The following NKTR variants were observed in gnomAD, a reference collection of about 807,000 sequenced individuals.
The protein encoded by NKTR is NK-tumor recognition protein.
Under a neutral mutation model 156.3 loss-of-function variants are expected in NKTR, and 67 were observed. The observed-to-expected ratio is 0.43, with a 90% CI of 0.35 to 0.53. The LOEUF (loss-of-function observed/expected upper bound fraction) is 0.53, where lower values mean the gene tolerates loss of function less well. Among genes scored for constraint, NKTR ranks in the 20% least tolerant of loss-of-function variants. NKTR has a pLI of 0.01. For synonymous variants in NKTR, 640 were observed against 596.6 expected, an observed-to-expected ratio of 1.07 and a Z score of -1.06; for missense variants, 1,604 against 1,730.9, an observed-to-expected ratio of 0.93 and a Z score of 1.30.
At chr3:42,630,038 C>T in intron 6 of NKTR, 1 of 985,532 alleles carries the variant, frequency 1.0e-6, no homozygotes, top group Non-Finnish European at 1.2e-6. Context: ...CTCCTGAGAC[C>T]TACCTCTGCC....
chr3:42,619,208 T>C (rs1707688527), intron 4 of NKTR, 81 bp downstream of exon 4: 13 of 1,558,050 alleles, frequency 8.3e-6, no homozygotes, highest in South Asian at 2.4e-5. Context: ...TTCTAAATAT[T>C]GTGTCAGTTA....
chr3:42,611,889 A>C (rs1225490612), intron 2 of NKTR, among the ~76,000 whole-genome samples: 1 of 152,110 alleles, frequency 6.6e-6, no homozygotes. Context: ...GCCTTCCTCC[A>C]ACTGAAATTA....
At chr3:42,615,945 C>T (rs376671932) in intron 2 of NKTR, among the ~76,000 whole-genome samples, 1 of 152,034 alleles carries the variant, frequency 6.6e-6, no homozygotes, top group South Asian at 2.1e-4. Flanking sequence ...GCTTGCTTTC[C>T]GTCTTTTTCT....
rs1377402902 is a variant in NKTR at position 42,643,802 on chromosome 3, C to T, written c.4200-100C>T. The T allele has an allele frequency of 1.5e-5, 12 of 776,508 alleles. No homozygotes were observed. In the Admixed American group the frequency reaches 2.6e-4, roughly 17 times the overall value. 48.1% of individuals were successfully genotyped at this position (776,508 alleles called of 1,614,324 possible). A position where few individuals can be genotyped will look rare whatever the true frequency, so the allele number is the denominator to read the frequency against. On this transcript the variant is annotated intron_variant, in intron 15 of 16. Transcript: ENST00000232978. ...TATCCTCATGCTGTCACCTAGTGCC[C>T]ATGTTCTAAGCTAGAACACTCCTGA...
chr3:42,628,561 CT>C, intron 6 of NKTR: 1 of 985,408 alleles, frequency 1.0e-6, no homozygotes, highest in South Asian at 4.7e-5. Flanking sequence ...AATTTGCAGG[CT>C]TTCCCCAATA....
At chr3:42,636,106 T>C (rs1202411201) in intron 12 of NKTR, among the ~76,000 whole-genome samples, 3 of 152,132 alleles carry the variant, frequency 2.0e-5, no homozygotes. Context: ...AATATTTATT[T>C]TAGGAAGGGG....
intron 15 of NKTR, 125 bp from the exon 16 acceptor site, chr3:42,643,777 T>A (rs1040559344): frequency 1.0e-5 from 7 of 699,554 alleles, no homozygotes; most frequent in Non-Finnish European, 1.5e-5. Flanking sequence ...TTTGGAAATA[T>A]ATCCTCATGC....
intron 4 of NKTR, 87 bp from the exon 5 acceptor site, chr3:42,619,577 T>A: frequency 6.3e-7 from 1 of 1,586,500 alleles, no homozygotes; most frequent in Non-Finnish European, 8.6e-7. Context: ...CAAGGTTTCC[T>A]TCAGCGAATT....
At chr3:42,601,829 A>G (rs1283696390) in intron 2 of NKTR, 2 of 152,218 alleles carry the variant, frequency 1.3e-5, no homozygotes, top group African/African-American at 2.4e-5. Context: ...CTTGTTCTGC[A>G]TATTCTTATG....
intron 2 of NKTR, among the ~76,000 whole-genome samples, chr3:42,610,468 A>G (rs1706676776): frequency 6.6e-6 from 1 of 152,200 alleles, no homozygotes. Context: ...TGTGTGTCAT[A>G]TAAAGGAATG....
chr3:42,633,265 C>CG, intron 9 of NKTR: 1 of 738,422 alleles, frequency 1.4e-6, no homozygotes, highest in Non-Finnish European at 1.8e-6. Flanking sequence ...TGGTCTCTGA[C>CG]TCCTGTCCTC....
chr3:42,620,691 G>A, intron 5 of NKTR: 1 of 984,486 alleles, frequency 1.0e-6, no homozygotes, highest in Non-Finnish European at 1.2e-6. Flanking sequence ...ATAACTCTAA[G>A]TGATCTTTAT....
intron 14 of NKTR, 127 bp downstream of exon 14, chr3:42,642,723 C>A: frequency 1.5e-6 from 1 of 684,202 alleles, no homozygotes; most frequent in South Asian, 1.7e-5. Flanking sequence ...CCTATTTTCT[C>A]ATGTAGTTTT....
In NKTR at chr3:42,647,411, T is replaced by C. The variant is rs2125832085; in HGVS notation, c.*1436T>C. The stretch of plus-strand genomic sequence containing the variant: ...AGAAATTCATATTGGTTGCCTGATG[T>C]AGAGCTCAGCACCACCCTACCACAG... On this transcript the variant is annotated 3_prime_UTR_variant, in exon 17 of 17. Coordinates refer to ENST00000232978, the MANE Select transcript of NKTR (RefSeq NM_005385.4). 1 of 152,112 alleles carries C rather than the reference T, an allele frequency of 6.6e-6. No homozygotes were observed. The highest frequency in any genetic ancestry group is 2.1e-4 in the South Asian group (1 of 4,820). The allele number at this position is 152,112 out of a possible 1,614,324, so 9.4% of individuals were successfully genotyped here. A position where few individuals can be genotyped will look rare whatever the true frequency, so the allele number is the denominator to read the frequency against.
rs200728338 is a variant in NKTR at position 42,639,331 on chromosome 3, G to C, written c.3627G>C (p.Gly1209=). Residue 1209 remains glycine (G), a synonymous_variant, in exon 13 of 17, where the codon GGG becomes GGC. Transcript: ENST00000232978. ...ASLASAGEST[G]KKEVAEKSQI... is the part of the protein sequence containing the mutation. ...TGGCTAGTGCTGGAGAAAGTACCGGGAAGAAGGAGGTGGCTGAGAAGAGCC... is the reference window on the plus strand; with the variant it reads ...TGGCTAGTGCTGGAGAAAGTACCGGCAAGAAGGAGGTGGCTGAGAAGAGCC... 176 of 1,613,986 alleles carry C rather than the reference G, an allele frequency of 1.1e-4. No homozygotes were observed. The highest frequency in any genetic ancestry group is 1.4e-4 in the Non-Finnish European group (171 of 1,180,010).
In NKTR at chr3:42,637,821, A is replaced by T. The variant is rs1018170043; in HGVS notation, c.2117A>T (p.Tyr706Phe). Residue 706 changes from tyrosine (Y) to phenylalanine (F), a missense_variant, in exon 13 of 17, where the codon TAT becomes TTT. By Grantham distance (22) the Tyr-to-Phe change is conservative. This residue lies in a region of NKTR where 1,255 missense variants were observed against 1,243.7 expected (regional missense o/e 1.01). Coordinates refer to ENST00000232978, the MANE Select transcript of NKTR (RefSeq NM_005385.4). ...AGGAGTAGATCTTATTCCAGATCAT[A>T]TACAAGATCACGTAGTCTAGCTAGT... ...SSRSRSYSRS[Y>F]TRSRSLASSH... 6.2e-7 allele frequency: 1 copy of T among 1,613,926 alleles called. No individual in the cohort carries two copies. The highest frequency in any genetic ancestry group is 8.5e-7 in the Non-Finnish European group (1 of 1,179,872).
chr3:42,639,545 G>T lies in NKTR; in HGVS notation c.3841G>T (p.Val1281Leu). The T allele has an allele frequency of 1.2e-6, 2 of 1,614,154 alleles. No homozygotes were observed. Among genetic ancestry groups the T allele is most frequent in the Non-Finnish European group, 1.7e-6 (2 of 1,180,004 alleles). ...KVRPGSLFDE[V>L]RKTARLNRRP... ...TCGGCCTGGGTCTCTCTTTGATGAA[G>T]TAAGAAAGACAGCACGCTTAAACCG... The change falls in exon 13 of 17, where the codon GTA becomes TTA. Residue 1281 changes from valine (V) to leucine (L), a missense_variant. This residue lies in a region of NKTR where 18 missense variants were observed against 41.9 expected (regional missense o/e 0.43). Coordinates refer to ENST00000232978, the MANE Select transcript of NKTR (RefSeq NM_005385.4).
Position 42,637,480 on chromosome 3 carries a change from T to G in NKTR, c.1776T>G (p.Asn592Lys). ...CTTTAAGAGCAACCATGGCACAAAA[T>G]GAAAATGTAGTAGTACAACCAGTTG... is the stretch of plus-strand genomic sequence containing the variant. ...TEPLRATMAQNENVVVQPVVA... is the reference protein window; with the variant it reads ...TEPLRATMAQKENVVVQPVVA... Residue 592 changes from asparagine (N) to lysine (K), a missense_variant, in exon 13 of 17, where the codon AAT becomes AAG. Asn to Lys is a moderately conservative substitution (Grantham distance 94). Transcript: ENST00000232978. The G allele has an allele frequency of 6.2e-7, 1 of 1,613,614 alleles. No individual in the cohort carries two copies. Among genetic ancestry groups the G allele is most frequent in the Non-Finnish European group, 8.5e-7 (1 of 1,179,894 alleles).
chr3:42,637,546 C>G lies in NKTR; in HGVS notation c.1842C>G (p.Pro614=), dbSNP rs749711394. ...NIPVIPLSDS[P]PPSRWKPGQK... ...CTGTAATACCACTGAGTGACAGTCC[C>G]CCCCCTTCAAGATGGAAGCCTGGAC... is the stretch of plus-strand genomic sequence containing the variant. The change falls in exon 13 of 17, where the codon CCC becomes CCG. Residue 614 remains proline (P), a synonymous_variant. Coordinates refer to ENST00000232978, the MANE Select transcript of NKTR (RefSeq NM_005385.4). 1 of 1,613,938 alleles carries G rather than the reference C, an allele frequency of 6.2e-7. No individual in the cohort carries two copies. The highest frequency in any genetic ancestry group is 8.5e-7 in the Non-Finnish European group (1 of 1,179,978).
Sources: gnomAD v4.1 joint callset for allele counts (sites outside exome capture counted in the v4.1 genomes callset) on GRCh38, gnomAD v4.1.1 for gene constraint, gnomAD v4.1.1 regional missense constraint, MANE v1.5 for transcripts, NCBI Gene and HGNC (gene_info 2026-07-23, HGNC 2026-07-21) for gene names.